Variants in TFCP2L1 observed in about 807,000 individuals in gnomAD.
TFCP2L1 encodes the protein transcription factor CP2-like protein 1.
In TFCP2L1, 12 loss-of-function variants were observed where a neutral mutation model predicts 72.2. The ratio of observed to expected loss-of-function variants is 0.17; its 90% CI spans 0.11 to 0.27. TFCP2L1 has a LOEUF of 0.27. TFCP2L1 is among the 10% of genes least tolerant of loss of function. TFCP2L1 has a pLI of 1.00. For missense variants in TFCP2L1, 488 were observed against 624.6 expected (o/e 0.78, Z 2.33); for synonymous variants, 260 against 251.0 (o/e 1.04, Z -0.34).
intron 13 of TFCP2L1, among the ~76,000 whole-genome samples, chr2:121,226,529 TTAG>T (rs1469715663): frequency 6.6e-6 from 1 of 152,100 alleles, no homozygotes; most frequent in Non-Finnish European, 1.5e-5. Flanking sequence ...ACCTTGGTAC[TTAG>T]TAGGATCTGC....
chr2:121,265,318 C>T (rs2713204), intron 2 of TFCP2L1, among the ~76,000 whole-genome samples: 6 of 151,806 alleles, frequency 4.0e-5, no homozygotes, highest in Non-Finnish European at 5.9e-5. Context: ...GCGGGGGAAA[C>T]GAGAATGGGG....
rs768539841 is a variant in TFCP2L1, at chr2:121,249,094, A to G, written c.292-7T>C. 2 of 1,553,270 alleles carry G rather than the reference A, an allele frequency of 1.3e-6. No individual in the cohort carries two copies. The highest frequency in any genetic ancestry group is 1.7e-6 in the Non-Finnish European group (2 of 1,147,486). On this transcript the variant is annotated splice_polypyrimidine_tract_variant and splice_region_variant and intron_variant, in intron 3 of 14. Coordinates refer to ENST00000263707, the MANE Select transcript of TFCP2L1 (RefSeq NM_014553.3). Reference sequence around the variant, plus strand: ...AGACCACACGGATGATGCTCTGGGGAGGGAGGCCAGCAGGGAAACAAGTGA... The same window carrying G: ...AGACCACACGGATGATGCTCTGGGGGGGGAGGCCAGCAGGGAAACAAGTGA...
rs200270589 is a variant in TFCP2L1 at position 121,262,702 on chromosome 2, C to A, written c.215-13055G>T. On this transcript the variant is annotated intron_variant, in intron 2 of 14. Coordinates refer to ENST00000263707, the MANE Select transcript of TFCP2L1 (RefSeq NM_014553.3). ...CAGTTCCTGGTTTCAGTAATTGTAC[C>A]ACTGTTATGTAATAGGTTAACATTA... 1.2e-3 allele frequency among the ~76,000 whole-genome samples: 179 copies of A among 152,134 alleles called. 2 individuals carry two copies. The highest frequency in any genetic ancestry group is 4.0e-3 in the African/African-American group (164 of 41,502).
rs930816402 is a variant in TFCP2L1 at position 121,222,141 on chromosome 2, A to C, written c.*2200T>G. 5 of 152,242 alleles carry C rather than the reference A, an allele frequency of 3.3e-5. No individual in the cohort carries two copies. Among genetic ancestry groups the C allele is most frequent in the Admixed American group, 6.5e-5 (1 of 15,290 alleles). The allele number at this position is 152,242 out of a possible 1,614,324, so 9.4% of individuals were successfully genotyped here. A position where few individuals can be genotyped will look rare whatever the true frequency, so the allele number is the denominator to read the frequency against. On this transcript the variant is annotated 3_prime_UTR_variant, in exon 15 of 15. Transcript: ENST00000263707. ...ATTAGGATGCTAAAAGCAAAAAGACAGATAATAGCAAGTGTTGATGAGGAT... is the reference window on the plus strand; with the variant it reads ...ATTAGGATGCTAAAAGCAAAAAGACCGATAATAGCAAGTGTTGATGAGGAT...
intron 11 of TFCP2L1, 65 bp downstream of exon 11, chr2:121,235,156 G>A (rs933836202): frequency 7.5e-5 from 117 of 1,561,212 alleles, no homozygotes; most frequent in Non-Finnish European, 9.5e-5. Context: ...CTGAGGTAGG[G>A]GTTTCCCACC....
chr2:121,273,684 G>C (rs1322043711), intron 2 of TFCP2L1, among the ~76,000 whole-genome samples: 1 of 152,122 alleles, frequency 6.6e-6, no homozygotes, highest in Non-Finnish European at 1.5e-5. Context: ...TGTTTTCAGA[G>C]AACTTTAAAC....
intron 10 of TFCP2L1, among the ~76,000 whole-genome samples, chr2:121,237,315 C>T (rs1008487024): frequency 7.9e-5 from 12 of 152,186 alleles, no homozygotes; most frequent in East Asian, 5.8e-4. Flanking sequence ...ATCACCCTGC[C>T]GGGCTAAGGG....
chr2:121,239,671 G>A (rs369781633), intron 7 of TFCP2L1, 22 bp from the exon 8 acceptor site: 552 of 1,608,682 alleles, frequency 3.4e-4, no homozygotes, highest in African/African-American at 4.0e-4. Context: ...AGCACAGGGC[G>A]AGCTGGGATC....
rs1035783449 is a variant in TFCP2L1 at position 121,221,311 on chromosome 2, C to T, written c.*3030G>A. 2 of 151,794 alleles carry T rather than the reference C, an allele frequency of 1.3e-5. No homozygotes were observed. The highest frequency in any genetic ancestry group is 4.8e-5 in the African/African-American group (2 of 41,284). 9.4% of individuals were successfully genotyped at this position (151,794 alleles called of 1,614,324 possible). On this transcript the variant is annotated 3_prime_UTR_variant, in exon 15 of 15. Transcript: ENST00000263707. ...TGGGGAACATCAGAGAGAGATAGGA[C>T]TCAGTACCGTTGACTCAGGTAAAGA...
Position 121,224,387 on chromosome 2 carries a change from G to C in TFCP2L1, c.1394C>G (p.Ala465Gly), listed in dbSNP as rs777751501. The C allele has an allele frequency of 7.4e-6, 12 of 1,613,688 alleles. No individual in the cohort carries two copies. The South Asian group carries it at 1.3e-4, about 18-fold the overall frequency. The change falls in exon 15 of 15, where the codon GCT becomes GGT. Residue 465 changes from alanine to glycine, a missense_variant and splice_region_variant. This residue lies in a region of TFCP2L1 where 286 missense variants were observed against 329.0 expected (regional missense o/e 0.87). Coordinates refer to ENST00000263707, the MANE Select transcript of TFCP2L1 (RefSeq NM_014553.3). Reference sequence around the variant, plus strand: ...GATGTGGTAGCCATCATTGCTCTCAGCTGCAAGAGAGAAACACTGGGTGTA... The same window carrying C: ...GATGTGGTAGCCATCATTGCTCTCACCTGCAAGAGAGAAACACTGGGTGTA... ...ESCFVLSTIKAESNDGYHIIL... is the reference protein window; with the variant it reads ...ESCFVLSTIKGESNDGYHIIL...
intron 2 of TFCP2L1, among the ~76,000 whole-genome samples, chr2:121,258,879 T>C (rs960485120): frequency 1.4e-4 from 22 of 152,174 alleles, no homozygotes; most frequent in African/African-American, 5.3e-4. Context: ...AATTCCCCAA[T>C]TTGATAATGT....
intron 2 of TFCP2L1, among the ~76,000 whole-genome samples, chr2:121,260,559 T>G (rs1330509860): frequency 6.6e-6 from 1 of 152,080 alleles, no homozygotes; most frequent in Non-Finnish European, 1.5e-5. Context: ...CCTCCAGCCC[T>G]CACACAGCTC....
At chr2:121,275,863 G>A (rs972867446) in intron 2 of TFCP2L1, among the ~76,000 whole-genome samples, 4 of 152,168 alleles carry the variant, frequency 2.6e-5, no homozygotes, top group Non-Finnish European at 5.9e-5. Context: ...GAGCCACCGC[G>A]CCCAGTTGAG....
chr2:121,234,761 T>C (rs1686209407), intron 11 of TFCP2L1, among the ~76,000 whole-genome samples: 1 of 152,370 alleles, frequency 6.6e-6, no homozygotes, highest in East Asian at 1.9e-4. Flanking sequence ...CCAGCACGGC[T>C]GCAGAACGTC....
intron 10 of TFCP2L1, 44 bp from the exon 11 acceptor site, chr2:121,235,355 A>C (rs1471397568): frequency 6.2e-7 from 1 of 1,603,452 alleles, no homozygotes; most frequent in African/African-American, 1.3e-5. Flanking sequence ...TGGAACCCAG[A>C]GAAAGGGCTC....
At chr2:121,250,729 C>A (rs986012364) in intron 2 of TFCP2L1, among the ~76,000 whole-genome samples, 5 of 151,230 alleles carry the variant, frequency 3.3e-5, no homozygotes, top group African/African-American at 1.2e-4. Context: ...GCCTCAGCCT[C>A]CTGAGTAGCT....
rs1452932557 is a variant in TFCP2L1 at position 121,276,391 on chromosome 2, G to T, written c.214+4729C>A. 2.6e-5 allele frequency among the ~76,000 whole-genome samples: 4 copies of T among 152,176 alleles called. No homozygotes were observed. The East Asian group carries it at 7.7e-4, about 29-fold the overall frequency. ...TGTTTCACAAGTGTCCCAGCATTTT[G>T]AGAGGCCGAGGTGGAAGGACTGCTT... On this transcript the variant is annotated intron_variant, in intron 2 of 14. Coordinates refer to ENST00000263707, the MANE Select transcript of TFCP2L1 (RefSeq NM_014553.3).
At chr2:121,233,839 G>A (rs1054532011) in intron 12 of TFCP2L1, among the ~76,000 whole-genome samples, 10 of 152,196 alleles carry the variant, frequency 6.6e-5, no homozygotes, top group African/African-American at 2.4e-4. Context: ...AGCAAGATCT[G>A]GGACAATCCC....
At chr2:121,237,595 G>A (rs374470932) in intron 10 of TFCP2L1, 28 bp downstream of exon 10, 8 of 1,612,406 alleles carry the variant, frequency 5.0e-6, no homozygotes, top group Non-Finnish European at 6.8e-6. Flanking sequence ...ATACTCATGG[G>A]CTTTAAACAC....
Sources: allele counts gnomAD v4.1 joint callset (sites outside exome capture counted in the v4.1 genomes callset), GRCh38; gene constraint gnomAD v4.1.1; regional missense constraint gnomAD v4.1.1; transcripts MANE v1.5; gene names NCBI Gene and HGNC (gene_info 2026-07-23, HGNC 2026-07-21).